Variants in VWC2L observed in about 807,000 individuals in gnomAD.
VWC2L encodes the protein von Willebrand factor C domain containing 2 like, also known as von Willebrand factor C domain-containing protein 2-like.
In VWC2L, 10 loss-of-function variants were observed where a neutral mutation model predicts 21.6. The ratio of observed to expected loss-of-function variants is 0.46; its 90% CI spans 0.29 to 0.78. The LOEUF (loss-of-function observed/expected upper bound fraction) is 0.78. Among genes scored for constraint, VWC2L ranks in the 30% least tolerant of loss-of-function variants. The probability of loss-of-function intolerance (pLI) is 0.10; values close to 1 mark genes in which losing one functional copy is unlikely to be tolerated. For missense variants in VWC2L, 209 were observed against 277.1 expected, an observed-to-expected ratio of 0.75 and a Z score of 1.74; for synonymous variants, 96 against 94.3, an observed-to-expected ratio of 1.02 and a Z score of -0.10.
intron 3 of VWC2L, among the ~76,000 whole-genome samples, chr2:214,495,113 T>C (rs1451143096): frequency 6.6e-6 from 1 of 152,072 alleles, no homozygotes; most frequent in Non-Finnish European, 1.5e-5. Context: ...TCTTGCTTTT[T>C]TTATATTGAT....
intron 3 of VWC2L, among the ~76,000 whole-genome samples, chr2:214,563,583 C>CAAAAAAAAA (rs1328331072): frequency 1.0e-5 from 1 of 95,972 alleles, no homozygotes; most frequent in African/African-American, 4.3e-5. Context: ...AAAAAAAAAT[C>CAAAAAAAAA]AAGTGGTTCT....
chr2:214,418,218 C>A (rs771917040), intron 2 of VWC2L, among the ~76,000 whole-genome samples: 10 of 152,186 alleles, frequency 6.6e-5, no homozygotes, highest in Admixed American at 1.3e-4. Flanking sequence ...CACACCATCA[C>A]TACAAGAACA....
chr2:214,539,272 T>C (rs1312396890), intron 3 of VWC2L, among the ~76,000 whole-genome samples: 3 of 152,172 alleles, frequency 2.0e-5, no homozygotes, highest in Admixed American at 6.6e-5. Flanking sequence ...AACGATTTAT[T>C]CCCTAAAAAT....
chr2:214,459,362 A>T (rs1478048270), intron 3 of VWC2L, among the ~76,000 whole-genome samples: 1 of 152,316 alleles, frequency 6.6e-6, no homozygotes, highest in South Asian at 2.1e-4. Flanking sequence ...TTTTAAATCA[A>T]TTCAACTTTT....
At chr2:214,443,803 C>T (rs1220768628) in intron 3 of VWC2L, among the ~76,000 whole-genome samples, 1 of 151,934 alleles carries the variant, frequency 6.6e-6, no homozygotes, top group East Asian at 1.9e-4. Flanking sequence ...ATTTCAGATA[C>T]ATAGATAGAT....
chr2:214,508,202 C>A (rs1360786210), intron 3 of VWC2L, among the ~76,000 whole-genome samples: 3 of 152,064 alleles, frequency 2.0e-5, no homozygotes, highest in African/African-American at 7.2e-5. Context: ...GGTCTGATCT[C>A]CTGACTTCGT....
chr2:214,563,513 C>T (rs973071903), intron 3 of VWC2L, among the ~76,000 whole-genome samples: 10 of 130,630 alleles, frequency 7.7e-5, no homozygotes, highest in African/African-American at 3.0e-4. Context: ...TGCCACTGCA[C>T]TCCAGCCTGG....
intron 3 of VWC2L, among the ~76,000 whole-genome samples, chr2:214,538,569 CAG>C (rs1366672280): frequency 2.0e-5 from 3 of 148,996 alleles, no homozygotes; most frequent in African/African-American, 7.4e-5. Flanking sequence ...AGAATGCAAA[CAG>C]ATTCTCCAAG....
intron 3 of VWC2L, among the ~76,000 whole-genome samples, chr2:214,439,341 C>T (rs1206954967): frequency 6.6e-6 from 1 of 151,908 alleles, no homozygotes; most frequent in African/African-American, 2.4e-5. Context: ...AAGTCTATCT[C>T]ATTATATATG....
chr2:214,474,146 T>G (rs1306095771), intron 3 of VWC2L, among the ~76,000 whole-genome samples: 2 of 152,132 alleles, frequency 1.3e-5, no homozygotes, highest in Non-Finnish European at 2.9e-5. Flanking sequence ...CCATCTGCAC[T>G]GCAGCATTGA....
intron 2 of VWC2L, among the ~76,000 whole-genome samples, chr2:214,426,386 G>A (rs1200987520): frequency 6.6e-6 from 1 of 152,028 alleles, no homozygotes; most frequent in African/African-American, 2.4e-5. Context: ...GGGAGCATGG[G>A]ACCAATTCAC....
chr2:214,560,339 A>G (rs1689946574), intron 3 of VWC2L, among the ~76,000 whole-genome samples: 1 of 152,166 alleles, frequency 6.6e-6, no homozygotes, highest in South Asian at 2.1e-4. Context: ...GAATAAAAAT[A>G]GGAAGTTTTC....
At chr2:214,430,719 CAA>C (rs890154191) in intron 2 of VWC2L, among the ~76,000 whole-genome samples, 2 of 152,114 alleles carry the variant, frequency 1.3e-5, no homozygotes, top group African/African-American at 2.4e-5. Context: ...AATGTATTAT[CAA>C]AATACAAACT....
chr2:214,441,835 A>C (rs1227302977), intron 3 of VWC2L, among the ~76,000 whole-genome samples: 1 of 151,834 alleles, frequency 6.6e-6, no homozygotes, highest in African/African-American at 2.4e-5. Flanking sequence ...TACATATCTA[A>C]TGTGTACATT....
At chr2:214,572,030 C>A (rs974105965) in intron 3 of VWC2L, among the ~76,000 whole-genome samples, 1 of 152,144 alleles carries the variant, frequency 6.6e-6, no homozygotes, top group African/African-American at 2.4e-5. Flanking sequence ...GATCCTCCTG[C>A]CTCAGCCTCC....
chr2:214,554,185 T>G (rs933040776), intron 3 of VWC2L, among the ~76,000 whole-genome samples: 3 of 152,212 alleles, frequency 2.0e-5, no homozygotes, highest in African/African-American at 7.2e-5. Context: ...TCAGTTCAGT[T>G]AAGTCCCCTG....
At chr2:214,480,510 G>T (rs545615219) in intron 3 of VWC2L, among the ~76,000 whole-genome samples, 3 of 152,220 alleles carry the variant, frequency 2.0e-5, no homozygotes, top group Non-Finnish European at 2.9e-5. Flanking sequence ...AAAGAATCAC[G>T]CTCAGTTTAG....
intron 3 of VWC2L, among the ~76,000 whole-genome samples, chr2:214,574,671 G>A (rs754393924): frequency 6.6e-6 from 1 of 152,072 alleles, no homozygotes; most frequent in Non-Finnish European, 1.5e-5. Flanking sequence ...ACCCAAATGT[G>A]TACCTCAGAG....
At chr2:214,556,778 C>T (rs558528565) in intron 3 of VWC2L, among the ~76,000 whole-genome samples, 4 of 152,336 alleles carry the variant, frequency 2.6e-5, no homozygotes, top group Admixed American at 6.5e-5. Flanking sequence ...CTCCTCACTT[C>T]CTTATTCCTC....
Sources: gnomAD v4.1 joint callset for allele counts (sites outside exome capture counted in the v4.1 genomes callset) on GRCh38, gnomAD v4.1.1 for gene constraint, MANE v1.5 for transcripts, NCBI Gene and HGNC (gene_info 2026-07-23, HGNC 2026-07-21) for gene names.